MGAT4C: variants seen among roughly 807,000 people sequenced by gnomAD.
MGAT4C encodes alpha-1,3-mannosyl-glycoprotein 4-beta-N-acetylglucosaminyltransferase C.
MGAT4C carries 19 observed loss-of-function variants against 40.1 expected under a neutral mutation model. That is an observed-to-expected ratio of 0.47 (90% CI 0.33 to 0.70). The LOEUF is 0.70. Among genes scored for constraint, MGAT4C ranks in the 30% least tolerant of loss-of-function variants. MGAT4C has a pLI of 0.02. For synonymous variants in MGAT4C, 181 were observed against 187.1 expected, an observed-to-expected ratio of 0.97 and a Z score of 0.27; for missense variants, 491 against 563.2, an observed-to-expected ratio of 0.87 and a Z score of 1.30.
chr12:86,628,772 G>A (rs1252859883), intron 2 of MGAT4C, among the ~76,000 whole-genome samples: 1 of 152,180 alleles, frequency 6.6e-6, no homozygotes, highest in East Asian at 1.9e-4. Context: ...GGAAAAACCA[G>A]TGCAAGCCAC....
chr12:86,561,658 C>A (rs1959868153), intron 2 of MGAT4C, among the ~76,000 whole-genome samples: 1 of 152,124 alleles, frequency 6.6e-6, no homozygotes, highest in Non-Finnish European at 1.5e-5. Context: ...GGCTGGCTTG[C>A]TTGATACTCA....
At chr12:86,395,998 A>T (rs1221853535) in intron 3 of MGAT4C, among the ~76,000 whole-genome samples, 2 of 152,146 alleles carry the variant, frequency 1.3e-5, no homozygotes, top group East Asian at 3.9e-4. Flanking sequence ...TATGTCCACG[A>T]TTTAAATGTG....
intron 3 of MGAT4C, among the ~76,000 whole-genome samples, chr12:86,425,153 A>G (rs1034426578): frequency 1.3e-5 from 2 of 152,180 alleles, no homozygotes; most frequent in African/African-American, 4.8e-5. Context: ...CCTAGGCAGC[A>G]ATGTGGTGGC....
At chr12:86,693,813 T>C (rs1387412123) in intron 2 of MGAT4C, among the ~76,000 whole-genome samples, 8 of 152,182 alleles carry the variant, frequency 5.3e-5, no homozygotes, top group Non-Finnish European at 8.8e-5. Flanking sequence ...TTAGGAGATA[T>C]AATTGTATGC....
chr12:86,597,388 GA>G (rs1184098015), intron 2 of MGAT4C, among the ~76,000 whole-genome samples: 2 of 152,130 alleles, frequency 1.3e-5, no homozygotes, highest in Non-Finnish European at 2.9e-5. Context: ...ATTAATCAGG[GA>G]AAAAGGAAGA....
At chr12:86,582,618 A>T (rs1654200644) in intron 2 of MGAT4C, among the ~76,000 whole-genome samples, 1 of 151,408 alleles carries the variant, frequency 6.6e-6, no homozygotes, top group Non-Finnish European at 1.5e-5. Flanking sequence ...TGATAAACAC[A>T]TAGAAATATA....
rs563883221 is a variant in MGAT4C, at chr12:86,077,698, A to G, written c.-56-27975T>C. 2.4e-4 allele frequency among the ~76,000 whole-genome samples: 37 copies of G among 152,264 alleles called. 1 individual carries two copies. The East Asian group carries it at 6.6e-3, about 27-fold the overall frequency. On this transcript the variant is annotated intron_variant, in intron 1 of 4. Transcript: ENST00000611864. The stretch of plus-strand genomic sequence containing the variant: ...CCTTCATATCTGAAGGGTCCAAGCC[A>G]TTTGTAGTCCTGCCTGGATTGGGCT...
rs922809430 is a variant in MGAT4C at position 86,714,247 on chromosome 12, C to G, written c.-229+12962G>C. On this transcript the variant is annotated intron_variant, in intron 2 of 7. Transcript: ENST00000548651. ...ACTTTTTTGTTGGCTTAAGTCTCTT[C>G]TACCTCCATATATAAGTTGCACTTT... is the stretch of plus-strand genomic sequence containing the variant. Among the ~76,000 whole-genome samples the G allele has an allele frequency of 3.3e-5, 5 of 152,138 alleles. No homozygotes were observed. The South Asian group carries it at 1.0e-3, about 31-fold the overall frequency.
intron 2 of MGAT4C, among the ~76,000 whole-genome samples, chr12:86,725,674 G>A (rs1950810103): frequency 1.3e-5 from 2 of 151,934 alleles, no homozygotes; most frequent in Admixed American, 1.3e-4. Flanking sequence ...TGTTGTCCAG[G>A]CTGGTCTAAA....
intron 2 of MGAT4C, among the ~76,000 whole-genome samples, chr12:86,699,539 A>G (rs1950318293): frequency 6.6e-6 from 1 of 152,080 alleles, no homozygotes; most frequent in African/African-American, 2.4e-5. Context: ...GTGCACGCGC[A>G]TGAGATTGAC....
intron 1 of MGAT4C, among the ~76,000 whole-genome samples, chr12:86,808,340 A>C (rs1412603444): frequency 6.6e-6 from 1 of 152,116 alleles, no homozygotes; most frequent in African/African-American, 2.4e-5. Flanking sequence ...GGAAAACTTC[A>C]GGCCAATATC....
chr12:86,810,793 T>C (rs887099545), intron 1 of MGAT4C, among the ~76,000 whole-genome samples: 2 of 152,026 alleles, frequency 1.3e-5, no homozygotes, highest in Non-Finnish European at 2.9e-5. Flanking sequence ...TATATGTCTA[T>C]AGTTTTCTTT....
intron 3 of MGAT4C, among the ~76,000 whole-genome samples, chr12:86,368,194 T>C (rs1454670992): frequency 1.3e-5 from 2 of 152,256 alleles, no homozygotes; most frequent in South Asian, 2.1e-4. Flanking sequence ...TGTGATAATA[T>C]GCATATCAAC....
Position 86,670,548 on chromosome 12 carries a change from A to G in MGAT4C, c.-229+56661T>C, listed in dbSNP as rs557691966. 7.9e-5 allele frequency among the ~76,000 whole-genome samples: 12 copies of G among 152,310 alleles called. No individual in the cohort carries two copies. In the East Asian group the frequency reaches 2.1e-3, roughly 27 times the overall value. On this transcript the variant is annotated intron_variant, in intron 2 of 7. Transcript: ENST00000548651. ...AAAATAAAGAAAAAAAGAATTAAAA[A>G]AAATGAACAAATCTTTGAGAAATAT...
intron 4 of MGAT4C, among the ~76,000 whole-genome samples, chr12:86,272,551 ATG>A (rs1396892571): frequency 2.6e-5 from 4 of 152,124 alleles, no homozygotes; most frequent in Admixed American, 2.0e-4. Context: ...TAATGCAATA[ATG>A]ATATCTAAAA....
chr12:86,389,616 C>T (rs542092626), intron 3 of MGAT4C, among the ~76,000 whole-genome samples: 178 of 152,276 alleles, frequency 1.2e-3, no homozygotes, highest in African/African-American at 3.9e-3. Context: ...GAGGAATTGC[C>T]AAACTGTCTT....
At chr12:86,097,735 A>G (rs900792103) in intron 1 of MGAT4C, among the ~76,000 whole-genome samples, 4 of 151,566 alleles carry the variant, frequency 2.6e-5, no homozygotes, top group African/African-American at 7.2e-5. Context: ...TTAGCCTATT[A>G]TTTCCATTAT....
chr12:86,679,645 G>A (rs917723334), intron 2 of MGAT4C, among the ~76,000 whole-genome samples: 1 of 152,068 alleles, frequency 6.6e-6, no homozygotes, highest in African/African-American at 2.4e-5. Flanking sequence ...AATGTGATTA[G>A]TGTCCTTATA....
chr12:86,182,147 G>C (rs1888200921), intron 1 of MGAT4C, among the ~76,000 whole-genome samples: 1 of 152,020 alleles, frequency 6.6e-6, no homozygotes, highest in African/African-American at 2.4e-5. Flanking sequence ...TGAATAAAAT[G>C]ATTACTGTGA....
Sources: gnomAD v4.1 joint callset for allele counts (sites outside exome capture counted in the v4.1 genomes callset) on GRCh38, gnomAD v4.1.1 for gene constraint, MANE v1.5 for transcripts, NCBI Gene and HGNC (gene_info 2026-07-23, HGNC 2026-07-21) for gene names.